Variants in TBC1D22A observed in about 807,000 individuals in gnomAD.
The protein encoded by TBC1D22A is putative GTPase activator.
A neutral mutation model predicts 60.2 loss-of-function variants in TBC1D22A; 38 were observed. That is an observed-to-expected ratio of 0.63 (90% CI 0.49 to 0.83). TBC1D22A has a LOEUF of 0.83. TBC1D22A is among the 40% of genes least tolerant of loss of function. The pLI is 0.00. For missense variants in TBC1D22A, 628 were observed against 701.0 expected, an observed-to-expected ratio of 0.90 and a Z score of 1.18; for synonymous variants, 302 against 281.7, an observed-to-expected ratio of 1.07 and a Z score of -0.72.
chr22:47,095,639 A>T (rs1234064303), intron 11 of TBC1D22A, among the ~76,000 whole-genome samples: 1 of 152,206 alleles, frequency 6.6e-6, no homozygotes, highest in Non-Finnish European at 1.5e-5. Flanking sequence ...CCAACTGGGA[A>T]CTGAAGGAGA....
At chr22:46,919,002 T>C (rs2070567380) in intron 8 of TBC1D22A, among the ~76,000 whole-genome samples, 1 of 152,168 alleles carries the variant, frequency 6.6e-6, no homozygotes, top group Non-Finnish European at 1.5e-5. Flanking sequence ...TTATTGAGAT[T>C]CAGTTTAGAA....
intron 4 of TBC1D22A, among the ~76,000 whole-genome samples, chr22:46,871,858 CAAG>C (rs540870300): frequency 2.0e-5 from 3 of 152,046 alleles, no homozygotes; most frequent in African/African-American, 7.2e-5. Flanking sequence ...AATGGGTAAA[CAAG>C]AAAAGAATCA....
chr22:47,062,027 GCAGTGAGCC>G (rs1467911064), intron 11 of TBC1D22A, among the ~76,000 whole-genome samples: 1 of 140,808 alleles, frequency 7.1e-6, no homozygotes, highest in African/African-American at 2.7e-5. Flanking sequence ...GGCAGAGGTT[GCAGTGAGCC>G]CAGATCGCTC....
At chr22:46,847,499 G>A (rs1287493695) in intron 4 of TBC1D22A, among the ~76,000 whole-genome samples, 3 of 152,218 alleles carry the variant, frequency 2.0e-5, no homozygotes, top group Non-Finnish European at 4.4e-5. Context: ...AATGATCATT[G>A]TTACGCATTC....
intron 4 of TBC1D22A, among the ~76,000 whole-genome samples, chr22:46,835,258 A>G (rs545379036): frequency 5.3e-5 from 8 of 152,326 alleles, no homozygotes; most frequent in African/African-American, 1.9e-4. Flanking sequence ...GAACATTATA[A>G]CTTTTCAGTA....
chr22:47,022,095 A>G (rs1295429119), intron 10 of TBC1D22A, among the ~76,000 whole-genome samples: 1 of 152,232 alleles, frequency 6.6e-6, no homozygotes, highest in Non-Finnish European at 1.5e-5. Flanking sequence ...ACACTTGATC[A>G]GGGAAATGAG....
chr22:46,889,490 T>C (rs1409676264), intron 5 of TBC1D22A, among the ~76,000 whole-genome samples: 4 of 152,184 alleles, frequency 2.6e-5, no homozygotes, highest in African/African-American at 9.7e-5. Context: ...CCCAATGTTA[T>C]GGCCCAGTAA....
At chr22:47,116,806 G>A (rs1454142493) in intron 12 of TBC1D22A, 1 of 152,556 alleles carries the variant, frequency 6.6e-6, no homozygotes, top group Non-Finnish European at 1.5e-5. Flanking sequence ...GGTGTGTGCA[G>A]TGCCTAGGTT....
chr22:47,078,222 A>G (rs2064308786), intron 11 of TBC1D22A, among the ~76,000 whole-genome samples: 1 of 152,196 alleles, frequency 6.6e-6, no homozygotes, highest in Non-Finnish European at 1.5e-5. Flanking sequence ...GGAGAGAAAC[A>G]GGGAGAAGCC....
intron 4 of TBC1D22A, among the ~76,000 whole-genome samples, chr22:46,839,211 C>T (rs1024591049): frequency 2.0e-5 from 3 of 151,992 alleles, no homozygotes; most frequent in African/African-American, 7.2e-5. Flanking sequence ...CAACAACTCT[C>T]CAAGAAACTT....
At position 47,028,263 on chromosome 22, in the gene TBC1D22A, A is replaced by G. The variant is rs1010942845; in HGVS notation, c.1202-8808A>G. On this transcript the variant is annotated intron_variant, in intron 10 of 12. Coordinates refer to ENST00000337137, the MANE Select transcript of TBC1D22A (RefSeq NM_014346.5). The surrounding 1 kb of genome is among the most constrained non-coding windows in gnomAD (Gnocchi z 4.4). ...AAACACCATTTCTTTACAACCTGCCAGGAGGATTTATTTCATTCTGCACTC... is the reference window on the plus strand; with the variant it reads ...AAACACCATTTCTTTACAACCTGCCGGGAGGATTTATTTCATTCTGCACTC... Among the ~76,000 whole-genome samples the G allele has an allele frequency of 2.0e-5, 3 of 152,222 alleles. No individual in the cohort carries two copies. The highest frequency in any genetic ancestry group is 4.4e-5 in the Non-Finnish European group (3 of 68,042).
intron 11 of TBC1D22A, among the ~76,000 whole-genome samples, chr22:47,054,158 T>C (rs1179028962): frequency 6.6e-6 from 1 of 152,112 alleles, no homozygotes; most frequent in Non-Finnish European, 1.5e-5. Flanking sequence ...CCATGGCTGC[T>C]AGGAGAGGAG....
chr22:46,832,008 G>T (rs1299000832), intron 4 of TBC1D22A, among the ~76,000 whole-genome samples: 1 of 152,202 alleles, frequency 6.6e-6, no homozygotes, highest in African/African-American at 2.4e-5. Flanking sequence ...GCCATCAGTT[G>T]CAAGTGCAGG....
rs536913070 is a variant in TBC1D22A at position 46,850,798 on chromosome 22, G to A, written c.638-27855G>A. ...TAGCCAAAAAAGGGGAAACAATTCA[G>A]TATCTTTCACAGGTGAATGGATAAA... On this transcript the variant is annotated intron_variant, in intron 4 of 12. Coordinates refer to ENST00000337137, the MANE Select transcript of TBC1D22A (RefSeq NM_014346.5). Among the ~76,000 whole-genome samples the A allele has an allele frequency of 3.9e-5, 6 of 152,314 alleles. 1 individual carries two copies. The highest frequency in any genetic ancestry group is 4.8e-5 in the African/African-American group (2 of 41,564).
At chr22:46,937,772 G>C (rs189645054) in intron 8 of TBC1D22A, among the ~76,000 whole-genome samples, 34 of 152,058 alleles carry the variant, frequency 2.2e-4, no homozygotes, top group African/African-American at 8.0e-4. Flanking sequence ...CCTGTGATAT[G>C]AATGATCCTG....
In TBC1D22A at chr22:47,148,408, A is replaced by G. The variant is rs376727279; in HGVS notation, c.1426-25090A>G. ...AGAAAAGAACAGTTGGATTTTAAAA[A>G]TAGAAATCCTAAAAAGGAGGATGTG... On this transcript the variant is annotated intron_variant, in intron 12 of 12. Transcript: ENST00000337137. 3.3e-5 allele frequency among the ~76,000 whole-genome samples: 5 copies of G among 152,210 alleles called. No individual in the cohort carries two copies. The East Asian group carries it at 7.7e-4, about 23-fold the overall frequency.
intron 8 of TBC1D22A, among the ~76,000 whole-genome samples, chr22:46,921,765 C>G (rs2070774671): frequency 6.6e-6 from 1 of 150,702 alleles, no homozygotes. Flanking sequence ...TTTTTTTTGA[C>G]TTTTTAATAA....
chr22:47,051,570 T>TC (rs1414497823), intron 11 of TBC1D22A, among the ~76,000 whole-genome samples: 2 of 152,050 alleles, frequency 1.3e-5, no homozygotes, highest in Non-Finnish European at 2.9e-5. Context: ...CTGGTGATTC[T>TC]CCTGGAGGGC....
At chr22:47,168,403 A>C (rs537841518) in intron 12 of TBC1D22A, among the ~76,000 whole-genome samples, 1 of 138,170 alleles carries the variant, frequency 7.2e-6, no homozygotes, top group South Asian at 2.4e-4. Context: ...GCTGGGGAGA[A>C]CTCACTGCCC....
Sources: allele counts gnomAD v4.1 joint callset (sites outside exome capture counted in the v4.1 genomes callset), GRCh38; gene constraint gnomAD v4.1.1; non-coding constraint Gnocchi (gnomAD v3.1); transcripts MANE v1.5; gene names NCBI Gene and HGNC (gene_info 2026-07-23, HGNC 2026-07-21).